Variants in PPP2R2D observed in about 807,000 individuals in gnomAD.
PPP2R2D encodes serine/threonine-protein phosphatase 2A 55 kDa regulatory subunit B delta isoform.
In PPP2R2D, 9 loss-of-function variants were observed where a neutral mutation model predicts 31.1. That is an observed-to-expected ratio of 0.29 (90% CI 0.17 to 0.51). The LOEUF (loss-of-function observed/expected upper bound fraction) is 0.51. Ranked by LOEUF, PPP2R2D falls within the 20% of genes least tolerant of loss-of-function variation. PPP2R2D has a pLI of 0.98. For synonymous variants in PPP2R2D, 179 were observed against 172.6 expected (o/e 1.04, Z -0.29); for missense variants, 391 against 465.6 (o/e 0.84, Z 1.48).
chr10:131,903,293 C>T (rs1243178538), intron 2 of PPP2R2D, among the ~76,000 whole-genome samples: 3 of 151,636 alleles, frequency 2.0e-5, no homozygotes, highest in Non-Finnish European at 4.4e-5. Flanking sequence ...ACAGTGAAAC[C>T]CCGTCTCTGC....
intron 7 of PPP2R2D, chr10:131,946,069 G>A (rs1554897957): frequency 6.6e-6 from 1 of 152,136 alleles, no homozygotes; most frequent in Non-Finnish European, 1.5e-5. Flanking sequence ...CGTTGCCTCT[G>A]CCTCTGTGCG....
the PPP2R2D span, chr10:131,970,114 G>A: frequency 1.9e-5 from 3 of 154,160 alleles, no homozygotes; most frequent in African/African-American, 7.2e-5. This position sits in a 1 kb window ranked among gnomAD's most constrained non-coding sequence, Gnocchi z 4.1. Context: ...AGGAGGCAGA[G>A]GCTGCAGTGA....
intron 8 of PPP2R2D, among the ~76,000 whole-genome samples, chr10:131,951,002 A>G (rs1260721611): frequency 6.6e-6 from 1 of 152,268 alleles, no homozygotes; most frequent in Admixed American, 6.5e-5. Context: ...AGTATCCAGA[A>G]TAGGTGCAGA....
chr10:131,939,184 C>T (rs2036398314), intron 3 of PPP2R2D, among the ~76,000 whole-genome samples: 1 of 13,018 alleles, frequency 7.7e-5, no homozygotes, highest in Non-Finnish European at 1.4e-4. Flanking sequence ...CCAGAAAACA[C>T]GGCAGGCTGC....
At chr10:131,960,084 C>A (rs1159513254), downstream of PPP2R2D, among the ~76,000 whole-genome samples, 2 of 152,232 alleles carry the variant, frequency 1.3e-5, no homozygotes, top group Non-Finnish European at 2.9e-5. Flanking sequence ...GGCCAGCAGT[C>A]CTGTCCGTTT....
At chr10:131,903,550 C>A (rs1240092424) in intron 2 of PPP2R2D, among the ~76,000 whole-genome samples, 1 of 150,946 alleles carries the variant, frequency 6.6e-6, no homozygotes, top group African/African-American at 2.4e-5. Flanking sequence ...AGTTTTAAAT[C>A]CCTATTTTAA....
At chr10:131,968,733 C>G in the PPP2R2D span, 6 of 561,120 alleles carry the variant, frequency 1.1e-5, no homozygotes, top group Non-Finnish European at 1.9e-5. Flanking sequence ...GATCTTTTAT[C>G]TAGTGTTTTA....
chr10:131,924,808 T>C (rs1018607740), intron 2 of PPP2R2D, among the ~76,000 whole-genome samples: 1 of 149,590 alleles, frequency 6.7e-6, no homozygotes, highest in Admixed American at 6.8e-5. Flanking sequence ...TAACTTTCTG[T>C]ATATTCAGGT....
downstream of PPP2R2D, among the ~76,000 whole-genome samples, chr10:131,960,182 A>G (rs1292837274): frequency 2.0e-5 from 3 of 152,212 alleles, no homozygotes; most frequent in African/African-American, 7.2e-5. Flanking sequence ...GGATCCATTC[A>G]CTTTAGAGAA....
downstream of PPP2R2D, among the ~76,000 whole-genome samples, chr10:131,964,701 C>T (rs978043289): frequency 1.6e-4 from 21 of 134,746 alleles, no homozygotes; most frequent in East Asian, 4.4e-3. Context: ...TTTAACCTTG[C>T]AGTATCCACC....
rs572799876 is a variant in PPP2R2D at position 131,931,011 on chromosome 10, TG to T, written c.101-3442del. On this transcript the variant is annotated intron_variant, in intron 2 of 8. Transcript: ENST00000455566. ...CTTCTTTAGCATATTCTTCCTCTCC[TG>T]GGGGCCCCACTGGGTGTCCTGGCTG... is the stretch of plus-strand genomic sequence containing the variant. 8.5e-5 allele frequency among the ~76,000 whole-genome samples: 13 copies of T among 152,354 alleles called. No individual in the cohort carries two copies. In the South Asian group the frequency reaches 2.3e-3, roughly 27 times the overall value.
chr10:131,912,562 C>G (rs994031962), intron 2 of PPP2R2D: 1 of 152,226 alleles, frequency 6.6e-6, no homozygotes. Context: ...CAGCCATACT[C>G]GAGCTCATTT....
intron 2 of PPP2R2D, among the ~76,000 whole-genome samples, chr10:131,920,127 G>A (rs1554894022): frequency 1.8e-5 from 1 of 55,154 alleles, no homozygotes; most frequent in Non-Finnish European, 3.6e-5. Context: ...TCACGCGGGT[G>A]GAATTACACA....
intron 2 of PPP2R2D, among the ~76,000 whole-genome samples, chr10:131,918,359 T>C (rs1236133316): frequency 1.4e-5 from 2 of 146,650 alleles, no homozygotes; most frequent in Non-Finnish European, 3.0e-5. Context: ...GCGGGTGGAA[T>C]GACACAGTGT....
rs998195892 is a variant in PPP2R2D, at chr10:131,934,340, A to G, written c.101-118A>G. On this transcript the variant is annotated intron_variant, in intron 2 of 8. Coordinates refer to ENST00000455566, the MANE Select transcript of PPP2R2D (RefSeq NM_018461.5). ...AAGTTTGCCAAGACAGTTTTGCTTT[A>G]GTCTCGGAGAAAGTTGTATATGTTT... The G allele has an allele frequency of 1.3e-5, 8 of 630,768 alleles. No individual in the cohort carries two copies. The African/African-American group carries it at 1.3e-4, about 10-fold the overall frequency. The allele number at this position is 630,768 out of a possible 1,614,324, so 39.1% of individuals were successfully genotyped here.
At chr10:131,954,003 C>T (rs538101112) in intron 8 of PPP2R2D, among the ~76,000 whole-genome samples, 2 of 152,178 alleles carry the variant, frequency 1.3e-5, no homozygotes, top group Non-Finnish European at 2.9e-5. Flanking sequence ...GGGAGTGAGG[C>T]GTTTCAGTGC....
intron 2 of PPP2R2D, among the ~76,000 whole-genome samples, chr10:131,920,853 C>T (rs1487431961): frequency 1.3e-5 from 2 of 152,114 alleles, no homozygotes; most frequent in Non-Finnish European, 2.9e-5. Context: ...CACTTGAACC[C>T]GGGAGGTGGA....
intron 2 of PPP2R2D, among the ~76,000 whole-genome samples, chr10:131,932,815 G>T (rs1224079999): frequency 6.6e-6 from 1 of 152,016 alleles, no homozygotes; most frequent in Non-Finnish European, 1.5e-5. Context: ...ATTTAGTTTG[G>T]GTTTAGAGAT....
intron 2 of PPP2R2D, among the ~76,000 whole-genome samples, chr10:131,905,445 A>G (rs903799672): frequency 3.3e-5 from 5 of 152,128 alleles, no homozygotes; most frequent in Admixed American, 6.5e-5. Flanking sequence ...GTGTTTTGCA[A>G]TGTCACATGG....
Sources: allele counts gnomAD v4.1 joint callset (sites outside exome capture counted in the v4.1 genomes callset), GRCh38; gene constraint gnomAD v4.1.1; non-coding constraint Gnocchi (gnomAD v3.1); transcripts MANE v1.5; gene names NCBI Gene and HGNC (gene_info 2026-07-23, HGNC 2026-07-21).